Variants in NFS1 observed in about 807,000 individuals in gnomAD.
NFS1 encodes the protein NFS1 cysteine desulfurase, also known as cysteine desulfurase.
In NFS1, 26 loss-of-function variants were observed where a neutral mutation model predicts 57.3. The ratio of observed to expected loss-of-function variants is 0.45; its 90% CI spans 0.33 to 0.63. NFS1 has a LOEUF of 0.63. Ranked by LOEUF, NFS1 falls within the 20% of genes least tolerant of loss-of-function variation. NFS1 has a pLI of 0.02. For synonymous variants in NFS1, 209 were observed against 216.3 expected, an observed-to-expected ratio of 0.97 and a Z score of 0.30; for missense variants, 505 against 605.8, an observed-to-expected ratio of 0.83 and a Z score of 1.75.
intron 4 of NFS1, among the ~76,000 whole-genome samples, chr20:35,693,658 A>G (rs2035081311): frequency 1.3e-5 from 2 of 152,020 alleles, no homozygotes; most frequent in African/African-American, 4.8e-5. Flanking sequence ...TGAGAGCCGC[A>G]TCTCTACAAA....
At chr20:35,673,923 T>G (rs2034697605) in intron 10 of NFS1, 1 of 480,168 alleles carries the variant, frequency 2.1e-6, no homozygotes, top group African/African-American at 2.0e-5. Flanking sequence ...GCTGGCAAAG[T>G]GTGACAGAGC....
Position 35,697,708 on chromosome 20 carries a change from C to T in NFS1, c.300G>A (p.Glu100=). 1 of 1,613,550 alleles carries T rather than the reference C, an allele frequency of 6.2e-7. No individual in the cohort carries two copies. Among genetic ancestry groups the T allele is most frequent in the Non-Finnish European group, 8.5e-7 (1 of 1,179,640 alleles). Residue 100 remains glutamate (E), a synonymous_variant, in exon 3 of 13, where the codon GAG becomes GAA. Coordinates refer to ENST00000374092, the MANE Select transcript of NFS1 (RefSeq NM_021100.5). The part of the protein sequence containing the change: ...SRTHAYGWES[E]AAMERARQQV... The stretch of plus-strand genomic sequence containing the variant: ...CCTGACGAGCACGTTCCATGGCTGC[C>T]TCACTCTCCCAGCCATAAGCATGTG...
At chr20:35,675,872 C>CAAAAAAAAAA (rs757837083) in intron 7 of NFS1, 1 of 71,716 alleles carries the variant, frequency 1.4e-5, no homozygotes. Flanking sequence ...CTCTGTCTCC[C>CAAAAAAAAAA]AAAAAAAAAA....
At chr20:35,680,954 C>CACT in intron 6 of NFS1, 83 bp from the exon 7 acceptor site, 1 of 1,173,292 alleles carries the variant, frequency 8.5e-7, no homozygotes, top group South Asian at 2.6e-5. Context: ...GAATTATCTC[C>CACT]AATAGTAAAT....
Position 35,668,273 on chromosome 20 carries a change from A to G in NFS1, c.*1349T>C, listed in dbSNP as rs1202965725. ...CTTTCCTGTCCCCCTGCTACTGGCA[A>G]GTATGAAAAGCAATTAAACTTTTTT... On this transcript the variant is annotated 3_prime_UTR_variant, in exon 13 of 13. Coordinates refer to ENST00000374092, the MANE Select transcript of NFS1 (RefSeq NM_021100.5). The G allele has an allele frequency of 6.6e-6, 1 of 152,256 alleles. No individual in the cohort carries two copies. The highest frequency in any genetic ancestry group is 1.5e-5 in the Non-Finnish European group (1 of 68,050). The allele number at this position is 152,256 out of a possible 1,614,324, so 9.4% of individuals were successfully genotyped here. A position where few individuals can be genotyped will look rare whatever the true frequency, so the allele number is the denominator to read the frequency against.
chr20:35,670,521 TC>T (rs1293232828), intron 12 of NFS1, among the ~76,000 whole-genome samples: 1 of 152,226 alleles, frequency 6.6e-6, no homozygotes, highest in Non-Finnish European at 1.5e-5. Flanking sequence ...TACTAAACAT[TC>T]CCAGAATGCC....
chr20:35,674,802 T>C, intron 8 of NFS1, 185 bp from the exon 9 acceptor site: 1 of 680,364 alleles, frequency 1.5e-6, no homozygotes, highest in Non-Finnish European at 2.5e-6. Flanking sequence ...AGGCGCTTGA[T>C]AACTGGACAC....
chr20:35,688,314 G>A (rs6142428), intron 5 of NFS1, among the ~76,000 whole-genome samples: 8 of 151,884 alleles, frequency 5.3e-5, no homozygotes, highest in Non-Finnish European at 1.0e-4. Context: ...CAGCACTTTG[G>A]GGGGCCAAGA....
chr20:35,672,159 C>G (rs1393988969), intron 12 of NFS1, among the ~76,000 whole-genome samples: 3 of 151,852 alleles, frequency 2.0e-5, no homozygotes, highest in African/African-American at 7.3e-5. Flanking sequence ...GGGGTTTCAA[C>G]GTGTTAGCCA....
chr20:35,685,558 T>TTATATATA lies in NFS1; in HGVS notation c.562-3585_562-3578dup, dbSNP rs35529809. On this transcript the variant is annotated intron_variant, in intron 5 of 12. Coordinates refer to ENST00000374092, the MANE Select transcript of NFS1 (RefSeq NM_021100.5). ...TTATATATTATATATATAAAATATT[T>TTATATATA]TATATATATATATATAGCAGCCGGG... Among the ~76,000 whole-genome samples the TTATATATA allele has an allele frequency of 9.1e-5, 13 of 143,512 alleles. 1 individual carries two copies. Among genetic ancestry groups the TTATATATA allele is most frequent in the South Asian group, 2.1e-4 (1 of 4,692 alleles). 94.1% of individuals were successfully genotyped at this position (143,512 alleles called of 152,430 possible).
chr20:35,696,936 G>A (rs1425585114), intron 3 of NFS1, among the ~76,000 whole-genome samples: 7 of 151,804 alleles, frequency 4.6e-5, no homozygotes, highest in Admixed American at 1.3e-4. Context: ...GAGAAACCCC[G>A]TCTCTACTAA....
Position 35,678,192 on chromosome 20 carries a change from C to CAAAA in NFS1, c.790+2541_790+2544dup, listed in dbSNP as rs536417063. Among the ~76,000 whole-genome samples, 882 of 135,182 alleles carry CAAAA rather than the reference C, an allele frequency of 6.5e-3. 6 individuals are homozygous for CAAAA. Among genetic ancestry groups the CAAAA allele is most frequent in the East Asian group, 0.041 (195 of 4,728 alleles). 88.7% of individuals were successfully genotyped at this position (135,182 alleles called of 152,430 possible). On this transcript the variant is annotated intron_variant, in intron 7 of 12. Coordinates refer to ENST00000374092, the MANE Select transcript of NFS1 (RefSeq NM_021100.5). The stretch of plus-strand genomic sequence containing the variant: ...GTGAAACCCCGTCTCTACAAAAATA[C>CAAAA]AAAAAAAAAAAAATTAGCCGGGCGT...
intron 3 of NFS1, among the ~76,000 whole-genome samples, chr20:35,696,714 A>G (rs902450579): frequency 6.6e-6 from 1 of 152,056 alleles, no homozygotes; most frequent in Admixed American, 6.5e-5. Context: ...CACTCCTGTA[A>G]CCCCAGCACT....
intron 7 of NFS1, among the ~76,000 whole-genome samples, chr20:35,680,079 C>T (rs973301993): frequency 2.6e-5 from 4 of 151,976 alleles, no homozygotes; most frequent in African/African-American, 9.7e-5. Context: ...CCGAGACGGG[C>T]GGATCACGAG....
intron 5 of NFS1, among the ~76,000 whole-genome samples, chr20:35,683,219 C>T (rs917250187): frequency 3.3e-5 from 5 of 152,100 alleles, no homozygotes; most frequent in Admixed American, 2.6e-4. Flanking sequence ...TGTGGTGGCT[C>T]ACGAATGTAA....
intron 7 of NFS1, among the ~76,000 whole-genome samples, chr20:35,678,123 G>A (rs2146417553): frequency 6.6e-6 from 1 of 151,982 alleles, no homozygotes; most frequent in Middle Eastern, 3.4e-3. Flanking sequence ...GCCGAGGCGG[G>A]CAGATCATGA....
intron 4 of NFS1, among the ~76,000 whole-genome samples, chr20:35,695,270 A>T (rs561249125): frequency 3.0e-4 from 46 of 152,334 alleles, no homozygotes; most frequent in Non-Finnish European, 5.7e-4. Flanking sequence ...TAACATGATC[A>T]GGCAGAGTGC....
chr20:35,694,425 G>A (rs1397823374), intron 4 of NFS1: 1 of 152,052 alleles, frequency 6.6e-6, no homozygotes, highest in Non-Finnish European at 1.5e-5. Context: ...GATTACAGGT[G>A]TAAGCCACTG....
intron 4 of NFS1, chr20:35,694,921 GTGA>G (rs2035107010): frequency 6.5e-6 from 1 of 152,950 alleles, no homozygotes; most frequent in South Asian, 2.0e-4. Flanking sequence ...TTGTGGGATG[GTGA>G]TGATAGTTCA....
Sources: allele counts gnomAD v4.1 joint callset (sites outside exome capture counted in the v4.1 genomes callset), GRCh38; gene constraint gnomAD v4.1.1; transcripts MANE v1.5; gene names NCBI Gene and HGNC (gene_info 2026-07-23, HGNC 2026-07-21).